CRHBP: variants seen among roughly 807,000 people sequenced by gnomAD.
CRHBP encodes the protein corticotropin-releasing hormone-binding protein.
CRHBP carries 19 observed loss-of-function variants against 34.9 expected under a neutral mutation model. That is an observed-to-expected ratio of 0.55 (90% CI 0.38 to 0.80). The LOEUF is 0.80. CRHBP is among the 30% of genes least tolerant of loss of function. CRHBP has a pLI of 0.00. For synonymous variants in CRHBP, 154 were observed against 153.4 expected (o/e 1.00, Z -0.03); for missense variants, 328 against 409.2 (o/e 0.80, Z 1.71).
intron 4 of CRHBP, among the ~76,000 whole-genome samples, chr5:76,956,513 A>T (rs2150705327): frequency 6.6e-6 from 1 of 152,278 alleles, no homozygotes; most frequent in Admixed American, 6.5e-5. Flanking sequence ...AGGCAGGCGG[A>T]TCACGAGGTC....
At chr5:76,969,889 G>C (rs184153343), downstream of CRHBP, among the ~76,000 whole-genome samples, 325 of 138,622 alleles carry the variant, frequency 2.3e-3, 2 homozygotes, top group African/African-American at 8.2e-3. Context: ...GTATGTAAAA[G>C]ACATCTTGGA....
chr5:76,958,353 A>G (rs1745723210), intron 4 of CRHBP, among the ~76,000 whole-genome samples: 2 of 152,144 alleles, frequency 1.3e-5, no homozygotes. Flanking sequence ...TGAGTTTTGG[A>G]CTCACCATTA....
chr5:76,973,066 C>T (rs891491857), downstream of CRHBP, among the ~76,000 whole-genome samples: 6 of 152,208 alleles, frequency 3.9e-5, no homozygotes, highest in Admixed American at 6.5e-5. Flanking sequence ...ACCACATAGA[C>T]GGCTGCCTAT....
intron 4 of CRHBP, among the ~76,000 whole-genome samples, chr5:76,958,101 G>A (rs1197888852): frequency 1.3e-5 from 2 of 151,996 alleles, no homozygotes; most frequent in African/African-American, 2.4e-5. Flanking sequence ...AGAGGTTGCA[G>A]TGAGCTGAGA....
intron 6 of CRHBP, among the ~76,000 whole-genome samples, chr5:76,965,722 C>G (rs1213485162): frequency 6.6e-6 from 1 of 152,146 alleles, no homozygotes; most frequent in Non-Finnish European, 1.5e-5. Context: ...GCCTACATTA[C>G]CTAGGTAACT....
intron 2 of CRHBP, chr5:76,976,329 T>G (rs962635126): frequency 2.6e-5 from 4 of 152,170 alleles, no homozygotes; most frequent in African/African-American, 9.7e-5. Flanking sequence ...GCTATAGACT[T>G]GGGAGTGTTA....
intron 5 of CRHBP, among the ~76,000 whole-genome samples, chr5:76,961,771 G>GC (rs1384186915): frequency 5.9e-4 from 90 of 151,338 alleles, no homozygotes; most frequent in African/African-American, 1.9e-3. Context: ...TTGTTTTTTC[G>GC]GAGACAGAGT....
At chr5:76,975,342 A>G (rs1036956505) in intron 2 of CRHBP, among the ~76,000 whole-genome samples, 2 of 152,230 alleles carry the variant, frequency 1.3e-5, no homozygotes, top group African/African-American at 4.8e-5. Flanking sequence ...GTAATTCATT[A>G]GTAACATATT....
At chr5:76,970,147 TG>T (rs1745925367), downstream of CRHBP, among the ~76,000 whole-genome samples, 1 of 152,022 alleles carries the variant, frequency 6.6e-6, no homozygotes, top group South Asian at 2.1e-4. Context: ...GGTTTCACCA[TG>T]TTGGCCAAGC....
In CRHBP at chr5:76,953,853, A is replaced by AGGAGCGGGAGAGGGTGGCGCGCCC. The variant is rs1561263827; in HGVS notation, c.175+162_176-150dup. ...AAGGATCGGTCCGCGGAGGCGCGCC[A>AGGAGCGGGAGAGGGTGGCGCGCCC]GGAGCGGGAGAGGGTGGCGCGCCCG... On this transcript the variant is annotated intron_variant, in intron 2 of 6. Transcript: ENST00000274368. Among the ~76,000 whole-genome samples, 16 of 152,202 alleles carry AGGAGCGGGAGAGGGTGGCGCGCCC rather than the reference A, an allele frequency of 1.1e-4. No homozygotes were observed. In the South Asian group the frequency reaches 1.5e-3, roughly 14 times the overall value.
intron 3 of CRHBP, among the ~76,000 whole-genome samples, chr5:76,978,603 G>A (rs1179130979): frequency 6.6e-6 from 1 of 152,124 alleles, no homozygotes; most frequent in East Asian, 1.9e-4. Flanking sequence ...GAGCTCTGAG[G>A]GAAATGTACA....
chr5:76,971,960 C>A (rs1745954331), downstream of CRHBP, among the ~76,000 whole-genome samples: 1 of 152,194 alleles, frequency 6.6e-6, no homozygotes, highest in Non-Finnish European at 1.5e-5. Context: ...TTCTCAAATT[C>A]TTCCTGCCTA....
At chr5:76,953,392 G>T in intron 1 of CRHBP, 177 bp downstream of exon 1, 1 of 822,696 alleles carries the variant, frequency 1.2e-6, no homozygotes, top group Non-Finnish European at 2.0e-6. Flanking sequence ...GAGCATCCCA[G>T]ACTGCCTGCC....
At chr5:76,964,590 AC>A (rs1412254237) in intron 6 of CRHBP, among the ~76,000 whole-genome samples, 3 of 152,238 alleles carry the variant, frequency 2.0e-5, no homozygotes, top group Admixed American at 6.5e-5. Context: ...GCGGTGTCTC[AC>A]GCCTGTAATC....
chr5:76,978,566 T>C (rs1452997656), intron 3 of CRHBP, among the ~76,000 whole-genome samples: 1 of 152,190 alleles, frequency 6.6e-6, no homozygotes, highest in East Asian at 1.9e-4. Flanking sequence ...ATATTACTGC[T>C]CATTGACAAT....
At chr5:76,953,282 G>A in intron 1 of CRHBP, 67 bp downstream of exon 1, 3 of 1,447,772 alleles carry the variant, frequency 2.1e-6, no homozygotes, top group Non-Finnish European at 2.9e-6. Flanking sequence ...CAGGCAGGCT[G>A]CCTCTGCTCG....
At chr5:76,953,750 T>C (rs914829521) in intron 2 of CRHBP, 56 bp downstream of exon 2, 2 of 1,514,034 alleles carry the variant, frequency 1.3e-6, no homozygotes, top group African/African-American at 1.4e-5. Flanking sequence ...GGTGGGACTC[T>C]GTGCGGGGGG....
chr5:76,962,973 G>A (rs1196193104), intron 5 of CRHBP, among the ~76,000 whole-genome samples: 1 of 152,090 alleles, frequency 6.6e-6, no homozygotes, highest in Non-Finnish European at 1.5e-5. Context: ...TTAAGAAATT[G>A]GAGTGATTCA....
At chr5:76,973,388 A>C (rs1404924181), downstream of CRHBP, among the ~76,000 whole-genome samples, 1 of 152,230 alleles carries the variant, frequency 6.6e-6, no homozygotes, top group Non-Finnish European at 1.5e-5. Context: ...ACCTCTTTGA[A>C]AATCTGACAG....
Sources: gnomAD v4.1 joint callset for allele counts (sites outside exome capture counted in the v4.1 genomes callset) on GRCh38, gnomAD v4.1.1 for gene constraint, MANE v1.5 for transcripts, NCBI Gene and HGNC (gene_info 2026-07-23, HGNC 2026-07-21) for gene names.